DNAI7: variants seen among roughly 807,000 people sequenced by gnomAD.
The protein encoded by DNAI7 is cancer susceptibility 1.
Under a neutral mutation model 86.6 loss-of-function variants are expected in DNAI7, and 78 were observed. The ratio of observed to expected loss-of-function variants is 0.90; its 90% CI spans 0.75 to 1.09. The LOEUF (loss-of-function observed/expected upper bound fraction) is 1.09. DNAI7 is among the 50% of genes least tolerant of loss of function. The pLI, the probability that DNAI7 is intolerant of heterozygous loss-of-function variation, is 0.00. For synonymous variants in DNAI7, 274 were observed against 273.0 expected, an observed-to-expected ratio of 1.00 and a Z score of -0.04; for missense variants, 753 against 810.2, an observed-to-expected ratio of 0.93 and a Z score of 0.86.
intron 9 of DNAI7, among the ~76,000 whole-genome samples, chr12:25,125,230 C>T (rs1397604874): frequency 5.9e-5 from 9 of 152,182 alleles, no homozygotes; most frequent in Admixed American, 5.2e-4. Flanking sequence ...ATTTACACTC[C>T]CACCAACAGT....
intron 9 of DNAI7, among the ~76,000 whole-genome samples, chr12:25,138,537 T>C (rs903600855): frequency 9.2e-5 from 14 of 152,088 alleles, no homozygotes; most frequent in Non-Finnish European, 1.8e-4. Context: ...AAATTGGAAA[T>C]CAACTTTAAA....
chr12:25,144,282 G>GA, intron 9 of DNAI7, 83 bp downstream of exon 9: 1 of 1,202,942 alleles, frequency 8.3e-7, no homozygotes, highest in Non-Finnish European at 1.2e-6. Context: ...AGTTGTTTAG[G>GA]AAAAATCTTG....
At position 25,108,419 on chromosome 12, in the gene DNAI7, A is replaced by ATC. The variant is rs1481461587; in HGVS notation, c.*128_*129insGA. On this transcript the variant is annotated 3_prime_UTR_variant, in exon 16 of 16. Transcript: ENST00000395987. ...TTTTAAAATAAAACTTGAGTAGAAA[A>ATC]TGCAGATTAGAAAATTTTTAATAGT... 1.3e-6 allele frequency: 1 copy of ATC among 793,910 alleles called. No homozygotes were observed. The highest frequency in any genetic ancestry group is 1.8e-5 in the African/African-American group (1 of 57,106). The allele number at this position is 793,910 out of a possible 1,614,324, so 49.2% of individuals were successfully genotyped here. A position where few individuals can be genotyped will look rare whatever the true frequency, so the allele number is the denominator to read the frequency against.
chr12:25,188,686 A>G (rs1265780375), intron 2 of DNAI7, among the ~76,000 whole-genome samples: 1 of 151,400 alleles, frequency 6.6e-6, no homozygotes, highest in African/African-American at 2.4e-5. Context: ...AAAAAAAAAA[A>G]AAAAAAAAAA....
chr12:25,117,085 C>T lies in DNAI7; in HGVS notation c.1396+2060G>A, dbSNP rs148654551. On this transcript the variant is annotated intron_variant, in intron 12 of 15. Coordinates refer to ENST00000395987, the MANE Select transcript of DNAI7 (RefSeq NM_018272.5). ...GGTAGCTGGGACTACAGGCATATGCCACCACGCCTGGCTAATTTTTGTACT... is the reference window on the plus strand; with the variant it reads ...GGTAGCTGGGACTACAGGCATATGCTACCACGCCTGGCTAATTTTTGTACT... Among the ~76,000 whole-genome samples the T allele has an allele frequency of 3.4e-3, 514 of 152,064 alleles. 4 individuals are homozygous for T. Among genetic ancestry groups the T allele is most frequent in the African/African-American group, 0.012 (481 of 41,464 alleles).
At chr12:25,107,139 TA>T, downstream of DNAI7, 1 of 564,414 alleles carries the variant, frequency 1.8e-6, no homozygotes, top group Non-Finnish European at 3.0e-6. Flanking sequence ...ATCAAATTAC[TA>T]AAAGACATGC....
Position 25,155,367 on chromosome 12 carries a change from C to T in DNAI7, c.244G>A (p.Glu82Lys), listed in dbSNP as rs760694895. Residue 82 changes from glutamate (E) to lysine (K), a missense_variant, in exon 5 of 16, where the codon GAG becomes AAG. Coordinates refer to ENST00000395987, the MANE Select transcript of DNAI7 (RefSeq NM_018272.5). ...TTCTCTGCTTCAGGAAAACACCTCTCTAATAAATAAAGTTCTTCAAGTTCT... is the reference window on the plus strand; with the variant it reads ...TTCTCTGCTTCAGGAAAACACCTCTTTAATAAATAAAGTTCTTCAAGTTCT... ...NEELEELYLLERCFPEAEKLK... is the reference protein window; with the variant it reads ...NEELEELYLLKRCFPEAEKLK... 2 of 1,608,864 alleles carry T rather than the reference C, an allele frequency of 1.2e-6. No homozygotes were observed. Among genetic ancestry groups the T allele is most frequent in the Non-Finnish European group, 1.7e-6 (2 of 1,176,754 alleles).
In DNAI7 at chr12:25,144,658, A is replaced by G. The variant is rs753510670; in HGVS notation, c.709T>C (p.Ser237Pro). Residue 237 changes from serine (S) to proline (P), a missense_variant, in exon 9 of 16, where the codon TCT becomes CCT. Transcript: ENST00000395987. ...ATCTCAAATCCAATTTGTGTTTCAG[A>G]GAATCTAACACTTCTGTGCCTGTTA... ...KNPRHRSVRF[S>P]ETQIGFEIPR... 4.3e-6 allele frequency: 7 copies of G among 1,613,458 alleles called. No homozygotes were observed. Among genetic ancestry groups the G allele is most frequent in the Non-Finnish European group, 5.9e-6 (7 of 1,179,660 alleles).
chr12:25,152,738 C>T (rs568329978), intron 6 of DNAI7, among the ~76,000 whole-genome samples: 132 of 152,068 alleles, frequency 8.7e-4, no homozygotes, highest in Non-Finnish European at 1.6e-3. Context: ...TTTTGTGGGA[C>T]GGGGGTCTGC....
At chr12:25,117,459 C>G (rs1225151646) in intron 12 of DNAI7, among the ~76,000 whole-genome samples, 1 of 152,052 alleles carries the variant, frequency 6.6e-6, no homozygotes, top group Non-Finnish European at 1.5e-5. Flanking sequence ...TTGTTCCCAG[C>G]CTATCACCAA....
rs996641460 is a variant in DNAI7 at position 25,195,073 on chromosome 12, C to G, written c.3+3G>C. 2 of 1,614,100 alleles carry G rather than the reference C, an allele frequency of 1.2e-6. No individual in the cohort carries two copies. The highest frequency in any genetic ancestry group is 1.3e-5 in the African/African-American group (1 of 74,934). On this transcript the variant is annotated splice_donor_region_variant and intron_variant, in intron 1 of 15. Coordinates refer to ENST00000395987, the MANE Select transcript of DNAI7 (RefSeq NM_018272.5). ...ACCTGTCTGCCTCATTTGCCTTGCT[C>G]ACCATTAAGAGTCAAGCTCCACTGC...
rs558306039 is a variant in DNAI7 at position 25,116,978 on chromosome 12, A to C, written c.1397-2108T>G. Among the ~76,000 whole-genome samples, 8 of 152,252 alleles carry C rather than the reference A, an allele frequency of 5.3e-5. No homozygotes were observed. In the South Asian group the frequency reaches 1.7e-3, roughly 32 times the overall value. On this transcript the variant is annotated intron_variant, in intron 12 of 15. Coordinates refer to ENST00000395987, the MANE Select transcript of DNAI7 (RefSeq NM_018272.5). ...GAGACAGGGTCTCACTCTGTCACCC[A>C]CCCTGAGTGCTGGGGCATGATCACA...
chr12:25,141,786 T>C (rs1944222944), intron 9 of DNAI7, among the ~76,000 whole-genome samples: 1 of 151,734 alleles, frequency 6.6e-6, no homozygotes, highest in African/African-American at 2.4e-5. Flanking sequence ...GCTGAGATCA[T>C]GCCACTGCTC....
rs1347240885 is a variant in DNAI7 at position 25,154,344 on chromosome 12, A to G, written c.413T>C (p.Ile138Thr). ...ATTTAGCACTACTTTACTCTTCTCA[A>G]TCACTTCCTCAAAAGTCTCATTTGT... is the stretch of plus-strand genomic sequence containing the variant. ...EKTNETFEEV[I>T]EKSKVVLNLI... Residue 138 changes from isoleucine (I) to threonine (T), a missense_variant, in exon 6 of 16, where the codon ATT (isoleucine) becomes ACT (threonine). By Grantham distance (89) the Ile-to-Thr change is moderately conservative (BLOSUM62 -1). Coordinates refer to ENST00000395987, the MANE Select transcript of DNAI7 (RefSeq NM_018272.5). 6.2e-7 allele frequency: 1 copy of G among 1,609,542 alleles called. No homozygotes were observed. The highest frequency in any genetic ancestry group is 2.2e-5 in the East Asian group (1 of 44,744).
At chr12:25,137,186 C>T (rs1943649281) in intron 9 of DNAI7, among the ~76,000 whole-genome samples, 1 of 152,166 alleles carries the variant, frequency 6.6e-6, no homozygotes, top group Non-Finnish European at 1.5e-5. Context: ...GCAGATTTCT[C>T]AGCAGAAACC....
Position 25,114,806 on chromosome 12 carries a change from T to C in DNAI7, c.1461A>G (p.Thr487=), listed in dbSNP as rs141931449. ...CAGGGCCAAAGGTGTCCAGGCTGAA[T>C]GTTACAAGTCTTTCTTTTGGTTTGT... ...VSYKPKERLV[T]FSLDTFGPVT... Residue 487 remains threonine, a synonymous_variant, in exon 13 of 16, where the codon ACA becomes ACG. Coordinates refer to ENST00000395987, the MANE Select transcript of DNAI7 (RefSeq NM_018272.5). 1.0e-4 allele frequency: 164 copies of C among 1,614,032 alleles called. No individual in the cohort carries two copies. The highest frequency in any genetic ancestry group is 1.3e-4 in the Non-Finnish European group (157 of 1,179,998).
In DNAI7 at chr12:25,108,608, A is replaced by T. The variant is rs200885137; in HGVS notation, c.2109T>A (p.Cys703Ter). The change falls in exon 16 of 16, where the codon TGT becomes TGA. Residue 703 changes from cysteine (C) to a stop codon, truncating the protein, a stop_gained. Coordinates refer to ENST00000395987, the MANE Select transcript of DNAI7 (RefSeq NM_018272.5). LOFTEE classifies it high-confidence loss of function. ...EAMEKVRSSN[C>*]QFVNSVCHML... ...TGTGGCACACAGAGTTGACAAACTG[A>T]CAGTTGGAACTCCTGACTTTCTCCA... 3 of 1,613,844 alleles carry T rather than the reference A, an allele frequency of 1.9e-6. No individual in the cohort carries two copies. Among genetic ancestry groups the T allele is most frequent in the Non-Finnish European group, 2.5e-6 (3 of 1,179,952 alleles).
intron 9 of DNAI7, among the ~76,000 whole-genome samples, chr12:25,124,032 T>TTGTG (rs57454187): frequency 0.038 from 5,471 of 144,612 alleles, 139 homozygotes; most frequent in African/African-American, 0.062. Flanking sequence ...AGTATAAAAA[T>TTGTG]TGTGTGTGTG....
In DNAI7 at chr12:25,147,077, T is replaced by C. The variant is rs779338545; in HGVS notation, c.613A>G (p.Ser205Gly). The change falls in exon 8 of 16, where the codon AGT (serine) becomes GGT (glycine). Residue 205 changes from serine to glycine, a missense_variant. Physicochemically the swap from Ser to Gly is moderately conservative, Grantham distance 56. Coordinates refer to ENST00000395987, the MANE Select transcript of DNAI7 (RefSeq NM_018272.5). ...TTAATGACTTTTTCCATATTTCCAC[T>C]GTCCAGATCTGCCAAAGTACTAGCT... ...KQASTLADLDSGNMEKVIKDE... is the reference protein window; with the variant it reads ...KQASTLADLDGGNMEKVIKDE... 7 of 1,601,764 alleles carry C rather than the reference T, an allele frequency of 4.4e-6. No individual in the cohort carries two copies. In the South Asian group the frequency reaches 5.5e-5, roughly 13 times the overall value.
Sources: gnomAD v4.1 joint callset for allele counts (sites outside exome capture counted in the v4.1 genomes callset) on GRCh38, gnomAD v4.1.1 for gene constraint, MANE v1.5 for transcripts, NCBI Gene and HGNC (gene_info 2026-07-23, HGNC 2026-07-21) for gene names.